PC: variants seen among roughly 807,000 people sequenced by gnomAD.
PC encodes pyruvate carboxylase, also known as pyruvate carboxylase, mitochondrial.
Under a neutral mutation model 107.8 loss-of-function variants are expected in PC, and 46 were observed. That is an observed-to-expected ratio of 0.43 (90% CI 0.34 to 0.55). The LOEUF is 0.55. Among genes scored for constraint, PC ranks in the 20% least tolerant of loss-of-function variants. The pLI is 0.04. For missense variants in PC, 1,241 were observed against 1,643.1 expected (o/e 0.76, Z 4.23); for synonymous variants, 662 against 684.7 (o/e 0.97, Z 0.52).
chr11:66,870,840 C>T lies in PC; in HGVS notation c.686G>A (p.Gly229Glu), dbSNP rs748041729. The change falls in exon 8 of 23, where the codon GGG becomes GAG. Residue 229 changes from glycine to glutamate, a missense_variant. This residue lies in a region of PC where 1,143 missense variants were observed against 1,551.9 expected (regional missense o/e 0.74). Transcript: ENST00000393960. This position sits in a 1 kb window ranked among gnomAD's most constrained non-coding sequence, Gnocchi z 6.1. The stretch of plus-strand genomic sequence containing the variant: ...CTTCTCCACAAACAGCGCCCCATTC[C>T]CAAAGGCGGCCAGAGCCTCTGAGTA... ...RAYSEALAAF[G>E]NGALFVEKFI... The T allele has an allele frequency of 1.2e-6, 2 of 1,613,616 alleles. No homozygotes were observed. Among genetic ancestry groups the T allele is most frequent in the Non-Finnish European group, 1.7e-6 (2 of 1,180,012 alleles).
At chr11:66,925,715 G>A (rs1948700865) in intron 3 of PC, among the ~76,000 whole-genome samples, 1 of 152,144 alleles carries the variant, frequency 6.6e-6, no homozygotes, top group Admixed American at 6.5e-5. Context: ...GAAATCACAA[G>A]GGTATTGATT....
chr11:66,946,630 AT>A (rs1373889140), intron 3 of PC, among the ~76,000 whole-genome samples: 2 of 151,920 alleles, frequency 1.3e-5, no homozygotes, highest in Non-Finnish European at 2.9e-5. Context: ...CAAAAAAAAA[AT>A]TTTTTTTAAA....
At chr11:66,928,426 T>C (rs573294141) in intron 3 of PC, among the ~76,000 whole-genome samples, 4 of 150,910 alleles carry the variant, frequency 2.7e-5, no homozygotes, top group African/African-American at 7.3e-5. Context: ...AGCCTGAAAT[T>C]AGCACCTACC....
At chr11:66,860,669 C>A (rs1326805137) in intron 12 of PC, 1 of 701,574 alleles carries the variant, frequency 1.4e-6, no homozygotes. Flanking sequence ...TGTCTTCTGA[C>A]CTGCAAGAGC....
At chr11:66,918,412 A>G (rs1349248073) in intron 3 of PC, among the ~76,000 whole-genome samples, 2 of 151,268 alleles carry the variant, frequency 1.3e-5, no homozygotes, top group African/African-American at 4.9e-5. Context: ...TTTTTAAAAC[A>G]GAGTCTCGCT....
chr11:66,853,417 A>G (rs1945626336), intron 12 of PC, 34 bp from the exon 13 acceptor site: 1 of 1,612,638 alleles, frequency 6.2e-7, no homozygotes, highest in South Asian at 1.1e-5. Flanking sequence ...GGGGGTCACC[A>G]TGCAGCACAG....
Position 66,859,058 on chromosome 11 carries a change from G to C in PC, c.1368+4716C>G, listed in dbSNP as rs771967835. ...ACCCAGTGTGGATGTTCCAAATCCA[G>C]TACAACAGCAGCGAAGATGAGACCC... On this transcript the variant is annotated intron_variant, in intron 12 of 22. Transcript: ENST00000393960. The C allele has an allele frequency of 2.7e-6, 4 of 1,498,574 alleles. No individual in the cohort carries two copies. The South Asian group carries it at 5.5e-5, about 21-fold the overall frequency. The allele number at this position is 1,498,574 out of a possible 1,614,324, so 92.8% of individuals were successfully genotyped here. A position where few individuals can be genotyped will look rare whatever the true frequency, so the allele number is the denominator to read the frequency against.
intron 3 of PC, among the ~76,000 whole-genome samples, chr11:66,872,361 G>T (rs952357127): frequency 6.6e-6 from 1 of 152,110 alleles, no homozygotes; most frequent in African/African-American, 2.4e-5. Context: ...AGCTCAGCCT[G>T]ATATCCTAAC....
chr11:66,865,254 C>T (rs1946442869), intron 11 of PC, among the ~76,000 whole-genome samples: 1 of 151,998 alleles, frequency 6.6e-6, no homozygotes, highest in Admixed American at 6.5e-5. Context: ...GTCTCAGAAG[C>T]CCAGAGCCTG....
At chr11:66,883,298 C>T (rs1947250096) in intron 3 of PC, among the ~76,000 whole-genome samples, 1 of 152,174 alleles carries the variant, frequency 6.6e-6, no homozygotes, top group Non-Finnish European at 1.5e-5. Flanking sequence ...TCCATCCCAG[C>T]CTCACTGGAA....
intron 3 of PC, among the ~76,000 whole-genome samples, chr11:66,933,361 A>AT (rs972690656): frequency 2.0e-5 from 3 of 152,106 alleles, no homozygotes; most frequent in Non-Finnish European, 4.4e-5. Context: ...TCTGGGTAAC[A>AT]TTTTCTCCGG....
chr11:66,870,832 C>A lies in PC; in HGVS notation c.694G>T (p.Ala232Ser), dbSNP rs1195616159. The A allele has an allele frequency of 6.2e-7, 1 of 1,613,742 alleles. No individual in the cohort carries two copies. The highest frequency in any genetic ancestry group is 1.7e-5 in the Admixed American group (1 of 60,036). ...TCGATGAACTTCTCCACAAACAGCG[C>A]CCCATTCCCAAAGGCGGCCAGAGCC... ...SEALAAFGNG[A>S]LFVEKFIEKP... Residue 232 changes from alanine to serine, a missense_variant, in exon 8 of 23, where the codon GCG becomes TCG. Ala to Ser is a moderately conservative substitution (Grantham distance 99). Transcript: ENST00000393960. The surrounding 1 kb of genome is among the most constrained non-coding windows in gnomAD (Gnocchi z 6.1).
chr11:66,867,580 G>A (rs1746920167), intron 10 of PC, among the ~76,000 whole-genome samples: 1 of 152,180 alleles, frequency 6.6e-6, no homozygotes, highest in Admixed American at 6.5e-5. Context: ...ACGGTGTGCT[G>A]AGAGCCCTGT....
intron 3 of PC, among the ~76,000 whole-genome samples, chr11:66,949,797 A>G (rs1949395300): frequency 6.6e-6 from 1 of 152,224 alleles, no homozygotes; most frequent in Non-Finnish European, 1.5e-5. Context: ...TAAAATAACT[A>G]GGTTTCTGAA....
intron 3 of PC, among the ~76,000 whole-genome samples, chr11:66,919,384 C>T (rs2136087112): frequency 6.6e-6 from 1 of 152,318 alleles, no homozygotes; most frequent in Non-Finnish European, 1.5e-5. Flanking sequence ...CCACCGTACT[C>T]CAGCCTGGGC....
At chr11:66,919,338 C>A (rs1387724936) in intron 3 of PC, among the ~76,000 whole-genome samples, 5 of 152,172 alleles carry the variant, frequency 3.3e-5, no homozygotes, top group African/African-American at 1.2e-4. Flanking sequence ...ATCACTTGAA[C>A]CTGGGAGGCA....
rs369097493 is a variant in PC at position 66,866,174 on chromosome 11, G to A, written c.1185+13C>T. On this transcript the variant is annotated intron_variant, in intron 11 of 22. Transcript: ENST00000393960. This position sits in a 1 kb window ranked among gnomAD's most constrained non-coding sequence, Gnocchi z 5.4. ...GGTGAGCTGGCATCTCCCTCTGCTCGAGCTCCGCCCACCTCAATGCGGCCG... is the reference window on the plus strand; with the variant it reads ...GGTGAGCTGGCATCTCCCTCTGCTCAAGCTCCGCCCACCTCAATGCGGCCG... The A allele has an allele frequency of 1.4e-5, 22 of 1,604,296 alleles. No homozygotes were observed. Among genetic ancestry groups the A allele is most frequent in the East Asian group, 2.2e-5 (1 of 44,824 alleles).
chr11:66,907,094 C>T (rs1404664305), intron 3 of PC, among the ~76,000 whole-genome samples: 2 of 152,234 alleles, frequency 1.3e-5, no homozygotes, highest in African/African-American at 4.8e-5. Flanking sequence ...TGAGCAGGGC[C>T]TCCCCATGAC....
At chr11:66,948,358 C>T (rs889257598) in intron 3 of PC, among the ~76,000 whole-genome samples, 14 of 152,116 alleles carry the variant, frequency 9.2e-5, no homozygotes, top group African/African-American at 3.4e-4. Context: ...GGAAACTAAC[C>T]TATAGTAACA....
Sources: gnomAD v4.1 joint callset for allele counts (sites outside exome capture counted in the v4.1 genomes callset) on GRCh38, gnomAD v4.1.1 for gene constraint, gnomAD v4.1.1 regional missense constraint, Gnocchi (gnomAD v3.1) non-coding constraint, MANE v1.5 for transcripts, NCBI Gene and HGNC (gene_info 2026-07-23, HGNC 2026-07-21) for gene names.